TRIP12: variants seen among roughly 807,000 people sequenced by gnomAD.
TRIP12 encodes thyroid hormone receptor interactor 12, also known as E3 ubiquitin-protein ligase TRIP12.
A neutral mutation model predicts 244.2 loss-of-function variants in TRIP12; 25 were observed. The ratio of observed to expected loss-of-function variants is 0.10; its 90% CI spans 0.07 to 0.14. The LOEUF is 0.14. TRIP12 is among the 10% of genes least tolerant of loss of function. TRIP12 has a pLI of 1.00. For synonymous variants in TRIP12, 905 were observed against 873.1 expected, an observed-to-expected ratio of 1.04 and a Z score of -0.64; for missense variants, 1,677 against 2,486.4, an observed-to-expected ratio of 0.67 and a Z score of 6.92.
chr2:229,778,708 A>AAGTCCTCTAGAACTGGAC lies in TRIP12; in HGVS notation c.5210-139_5210-122dup. 7.0e-7 allele frequency: 1 copy of AAGTCCTCTAGAACTGGAC among 1,427,092 alleles called. No individual in the cohort carries two copies. The highest frequency in any genetic ancestry group is 9.5e-7 in the Non-Finnish European group (1 of 1,049,018). The allele number at this position is 1,427,092 out of a possible 1,614,324, so 88.4% of individuals were successfully genotyped here. A position where few individuals can be genotyped will look rare whatever the true frequency, so the allele number is the denominator to read the frequency against. ...AAATTGGAGTGCAGATCACTGAATG[A>AAGTCCTCTAGAACTGGAC]AGTCCTCTAGAACTGGACAGGCCTT... On this transcript the variant is annotated intron_variant, in intron 35 of 41. Coordinates refer to ENST00000675903, the MANE Select transcript of TRIP12 (RefSeq NM_001348323.3). The surrounding 1 kb of genome is among the most constrained non-coding windows in gnomAD (Gnocchi z 4.1).
intron 6 of TRIP12, among the ~76,000 whole-genome samples, chr2:229,836,136 A>G (rs2054757014): frequency 6.6e-6 from 1 of 152,208 alleles, no homozygotes; most frequent in Non-Finnish European, 1.5e-5. Context: ...AGTATCTGAA[A>G]TATCTTTATT....
At chr2:229,830,576 C>A (rs1235515887) in intron 7 of TRIP12, among the ~76,000 whole-genome samples, 180 bp downstream of exon 7, 1 of 151,974 alleles carries the variant, frequency 6.6e-6, no homozygotes, top group Non-Finnish European at 1.5e-5. Flanking sequence ...CACGAAGAGG[C>A]GGACAGCTCA....
In TRIP12 at chr2:229,838,720, C is replaced by T. The variant is rs548382684; in HGVS notation, c.1134-1736G>A. 2.0e-5 allele frequency among the ~76,000 whole-genome samples: 3 copies of T among 152,276 alleles called. No homozygotes were observed. In the East Asian group the frequency reaches 5.8e-4, roughly 29 times the overall value. ...TTTGGCCCAAAATAGGACAAAAACT[C>T]TGGAAAACTAAGAAGTTTCTTCAGA... is the stretch of plus-strand genomic sequence containing the variant. On this transcript the variant is annotated intron_variant, in intron 5 of 41. Coordinates refer to ENST00000675903, the MANE Select transcript of TRIP12 (RefSeq NM_001348323.3).
At chr2:229,863,181 A>C (rs369162836) in intron 2 of TRIP12, among the ~76,000 whole-genome samples, 2 of 150,716 alleles carry the variant, frequency 1.3e-5, no homozygotes, top group East Asian at 3.9e-4. Flanking sequence ...GTGAGCCGCG[A>C]TCGTGTCACT....
At chr2:229,818,813 A>C (rs2049146061) in intron 8 of TRIP12, among the ~76,000 whole-genome samples, 1 of 152,194 alleles carries the variant, frequency 6.6e-6, no homozygotes, top group Admixed American at 6.5e-5. Flanking sequence ...TGATAGCTTT[A>C]ACATTATCTG....
intron 30 of TRIP12, 33 bp from the exon 31 acceptor site, chr2:229,789,795 C>A: frequency 6.2e-7 from 1 of 1,610,648 alleles, no homozygotes; most frequent in South Asian, 1.1e-5. Context: ...AAGTTTTGAT[C>A]AAAGTTAGAA....
chr2:229,788,326 C>T (rs1366549443), intron 32 of TRIP12, among the ~76,000 whole-genome samples: 1 of 152,170 alleles, frequency 6.6e-6, no homozygotes, highest in Non-Finnish European at 1.5e-5. Context: ...GCACTTGAAT[C>T]ATCCTGAAAC....
At chr2:229,866,600 A>G (rs1420546786) in intron 2 of TRIP12, among the ~76,000 whole-genome samples, 1 of 152,200 alleles carries the variant, frequency 6.6e-6, no homozygotes, top group East Asian at 1.9e-4. Context: ...ACTGCCTCTG[A>G]TAGAGTTGAG....
chr2:229,851,784 A>G (rs1559860248), intron 4 of TRIP12, among the ~76,000 whole-genome samples: 1 of 152,120 alleles, frequency 6.6e-6, no homozygotes, highest in Non-Finnish European at 1.5e-5. Flanking sequence ...AGCCAGCGAG[A>G]CCATGAACCC....
At position 229,878,601 on chromosome 2, in the gene TRIP12, G is replaced by A. The variant is rs149451440; in HGVS notation, c.98+1381C>T. 1.6e-3 allele frequency among the ~76,000 whole-genome samples: 239 copies of A among 149,622 alleles called. 1 individual carries two copies. Among genetic ancestry groups the A allele is most frequent in the Non-Finnish European group, 4.9e-4 (33 of 67,564 alleles). ...AAAAAAAATTTTTTTTTTTTGAGACGGAGTCTCGCTCTGTCTGTCGCCCAG... is the reference window on the plus strand; with the variant it reads ...AAAAAAAATTTTTTTTTTTTGAGACAGAGTCTCGCTCTGTCTGTCGCCCAG... On this transcript the variant is annotated intron_variant, in intron 2 of 41. Coordinates refer to ENST00000675903, the MANE Select transcript of TRIP12 (RefSeq NM_001348323.3).
At chr2:229,863,383 C>A (rs2060797858) in intron 2 of TRIP12, among the ~76,000 whole-genome samples, 1 of 146,500 alleles carries the variant, frequency 6.8e-6, no homozygotes, top group South Asian at 2.1e-4. Context: ...TTCTGCCTAT[C>A]TGTTTAGCCC....
chr2:229,880,939 A>G (rs2064729985), intron 1 of TRIP12, among the ~76,000 whole-genome samples: 1 of 152,170 alleles, frequency 6.6e-6, no homozygotes, highest in Non-Finnish European at 1.5e-5. Flanking sequence ...GTGAGACTCC[A>G]CCTCAAAACT....
intron 37 of TRIP12, among the ~76,000 whole-genome samples, chr2:229,775,583 T>C (rs2035977971): frequency 6.6e-6 from 1 of 151,290 alleles, no homozygotes; most frequent in African/African-American, 2.4e-5. Flanking sequence ...TAGATAGGAA[T>C]CTAGAATTTA....
chr2:229,881,730 T>G (rs1249794709), intron 1 of TRIP12, among the ~76,000 whole-genome samples: 1 of 152,190 alleles, frequency 6.6e-6, no homozygotes, highest in Non-Finnish European at 1.5e-5. Flanking sequence ...GTTAAACTTA[T>G]GCGTACTGAT....
intron 1 of TRIP12, chr2:229,921,124 T>C (rs1039463477): frequency 6.6e-6 from 1 of 152,192 alleles, no homozygotes; most frequent in Non-Finnish European, 1.5e-5. Flanking sequence ...TCGGCTTCTT[T>C]AGGCCTCCCT....
intron 34 of TRIP12, among the ~76,000 whole-genome samples, chr2:229,785,405 C>CT (rs1234819813): frequency 6.6e-6 from 1 of 152,184 alleles, no homozygotes; most frequent in Non-Finnish European, 1.5e-5. Context: ...ACCCTTAAAA[C>CT]TACAAAACTA....
intron 39 of TRIP12, 66 bp downstream of exon 39, chr2:229,771,453 G>T: frequency 7.3e-7 from 1 of 1,368,950 alleles, no homozygotes; most frequent in African/African-American, 1.4e-5. Flanking sequence ...TCTTTGACTA[G>T]GCAGCACAGA....
intron 32 of TRIP12, 104 bp downstream of exon 32, chr2:229,788,694 A>T (rs935992671): frequency 1.4e-6 from 2 of 1,429,190 alleles, no homozygotes; most frequent in Non-Finnish European, 1.9e-6. Context: ...AGTATTAATA[A>T]ACATTTGACT....
In TRIP12 at chr2:229,830,783, C is replaced by G; in HGVS notation, c.1327G>C (p.Asp443His). The stretch of plus-strand genomic sequence containing the variant: ...TGCAAACGTCCCATCTCGGAATCAT[C>G]TGATTCACTCTCCCCAGAGGTGGTC... ...GMTTSGESESDDSEMGRLQAL... is the reference protein window; with the variant it reads ...GMTTSGESESHDSEMGRLQAL... Residue 443 changes from aspartate (D) to histidine (H), a missense_variant, in exon 7 of 42, where the codon GAT (aspartate) becomes CAT (histidine). Physicochemically the swap from Asp to His is moderately conservative, Grantham distance 81. Transcript: ENST00000675903. The G allele has an allele frequency of 6.2e-7, 1 of 1,614,146 alleles. No homozygotes were observed. Among genetic ancestry groups the G allele is most frequent in the Non-Finnish European group, 8.5e-7 (1 of 1,180,006 alleles).
Sources: gnomAD v4.1 joint callset for allele counts (sites outside exome capture counted in the v4.1 genomes callset) on GRCh38, gnomAD v4.1.1 for gene constraint, Gnocchi (gnomAD v3.1) non-coding constraint, MANE v1.5 for transcripts, NCBI Gene and HGNC (gene_info 2026-07-23, HGNC 2026-07-21) for gene names.